Variants in ATRX observed in about 807,000 individuals in gnomAD.
The protein encoded by ATRX is chromatin remodeler ATRX.
ATRX carries 12 observed loss-of-function variants against 172.6 expected under a neutral mutation model. The observed-to-expected ratio is 0.07, with a 90% CI of 0.04 to 0.11. The LOEUF is 0.11. ATRX is among the 10% of genes least tolerant of loss of function. ATRX has a pLI of 1.00. For synonymous variants in ATRX, 674 were observed against 594.7 expected, an observed-to-expected ratio of 1.13 and a Z score of -1.94; for missense variants, 1,368 against 1,767.4, an observed-to-expected ratio of 0.77 and a Z score of 4.05.
rs2148594824 is a variant in ATRX at position 77,682,709 on chromosome X, A to G, written c.2547T>C (p.Ser849=). The G allele has an allele frequency of 8.3e-7, 1 of 1,209,475 alleles. No homozygotes were observed. The highest frequency in any genetic ancestry group is 1.1e-6 in the Non-Finnish European group (1 of 895,093). The change falls in exon 9 of 35, where the codon TCT becomes TCC. Residue 849 remains serine (S), a synonymous_variant. Transcript: ENST00000373344. ...KRIPNTKDFD[S]SEDEKHSKKG... The stretch of plus-strand genomic sequence containing the variant: ...TTTTGCTGTGTTTCTCATCTTCAGA[A>G]GAGTCAAAATCTTTTGTATTTGGAA...
chrX:77,720,980 G>A (rs782442212), intron 1 of ATRX, among the ~76,000 whole-genome samples: 54 of 111,654 alleles, frequency 4.8e-4, no homozygotes, highest in African/African-American at 1.8e-3. Context: ...TATCCACCAC[G>A]ATCAAGTCGG....
chrX:77,639,526 T>C (rs2068552340), intron 15 of ATRX, among the ~76,000 whole-genome samples: 2 of 111,900 alleles, frequency 1.8e-5, no homozygotes, highest in African/African-American at 6.5e-5. Context: ...TATTCCCAAC[T>C]TCCTGACCCG....
At position 77,683,026 on chromosome X, in the gene ATRX, T is replaced by C. The variant is rs782277065; in HGVS notation, c.2230A>G (p.Met744Val). 8.3e-7 allele frequency: 1 copy of C among 1,208,873 alleles called. No individual in the cohort carries two copies. The highest frequency in any genetic ancestry group is 1.8e-5 in the African/African-American group (1 of 57,075). ...MLAILKEVSRMSHSSSSDTDI... is the reference protein window; with the variant it reads ...MLAILKEVSRVSHSSSSDTDI... ...GTATCTGAAGAAGAACTGTGACTCA[T>C]CCTGCTCACCTCTTTGAGGATTGCT... is the stretch of plus-strand genomic sequence containing the variant. The change falls in exon 9 of 35, where the codon ATG becomes GTG. Residue 744 changes from methionine (M) to valine (V), a missense_variant. Around this residue, in one of 17 missense-constraint regions of ATRX, gnomAD observed 843 missense variants for 643.1 expected, o/e 1.31. Transcript: ENST00000373344.
intron 12 of ATRX, among the ~76,000 whole-genome samples, chrX:77,662,582 C>T (rs185980262): frequency 2.0e-4 from 22 of 111,705 alleles, no homozygotes; most frequent in Non-Finnish European, 4.1e-4. Context: ...GGTTATCTTC[C>T]CACTCTAAAT....
intron 30 of ATRX, among the ~76,000 whole-genome samples, chrX:77,550,856 C>G (rs1278730132): frequency 9.0e-6 from 1 of 111,341 alleles, no homozygotes; most frequent in African/African-American, 3.3e-5. Flanking sequence ...GAGTGAACTC[C>G]CATTCTCAGT....
chrX:77,656,679 T>G (rs1569536011), intron 12 of ATRX, 26 bp from the exon 13 acceptor site: 1 of 1,092,889 alleles, frequency 9.2e-7, no homozygotes, highest in East Asian at 3.2e-5. Context: ...ATACATAAAA[T>G]TATTAATTAT....
intron 1 of ATRX, among the ~76,000 whole-genome samples, chrX:77,737,591 A>T (rs1241340598): frequency 1.8e-5 from 2 of 110,669 alleles, no homozygotes; most frequent in Non-Finnish European, 3.8e-5. Context: ...ATTTTTTAAT[A>T]CCTGAAAGAA....
chrX:77,628,781 TA>T (rs1424219244), intron 19 of ATRX, among the ~76,000 whole-genome samples: 1 of 111,351 alleles, frequency 9.0e-6, no homozygotes, highest in African/African-American at 3.3e-5. Context: ...TTAATTCTTT[TA>T]TTTTTTTGTA....
intron 12 of ATRX, among the ~76,000 whole-genome samples, chrX:77,660,900 T>C (rs1263946663): frequency 8.9e-6 from 1 of 111,839 alleles, no homozygotes; most frequent in Non-Finnish European, 1.9e-5. Flanking sequence ...CATTGTAGAC[T>C]TTTCCCTTTC....
chrX:77,758,017 G>T (rs1557191063), intron 1 of ATRX, among the ~76,000 whole-genome samples: 1 of 111,172 alleles, frequency 9.0e-6, no homozygotes, highest in African/African-American at 3.3e-5. Context: ...AAAATTTTAG[G>T]TTAAGAACTC....
In ATRX at chrX:77,507,733, C is replaced by T; in HGVS notation, c.*618G>A. ...TGCTAAGATAACTGCAAGACTTCTC[C>T]AACTTTTAGAGCAGTAGTATTTAAG... On this transcript the variant is annotated 3_prime_UTR_variant, in exon 35 of 35. Coordinates refer to ENST00000373344, the MANE Select transcript of ATRX (RefSeq NM_000489.6). The T allele has an allele frequency of 5.7e-6, 1 of 175,582 alleles. No homozygotes were observed. Among genetic ancestry groups the T allele is most frequent in the Non-Finnish European group, 1.1e-5 (1 of 91,463 alleles). 14.5% of individuals were successfully genotyped at this position (175,582 alleles called of 1,213,427 possible).
chrX:77,782,861 G>A (rs782201208), intron 1 of ATRX, among the ~76,000 whole-genome samples: 1 of 111,963 alleles, frequency 8.9e-6, no homozygotes, highest in South Asian at 3.8e-4. Context: ...GGCCAGAAGG[G>A]AATCTGCTGC....
chrX:77,656,680 T>C (rs2069571209), intron 12 of ATRX, 27 bp from the exon 13 acceptor site: 1 of 1,092,646 alleles, frequency 9.2e-7, no homozygotes, highest in Non-Finnish European at 1.2e-6. Context: ...TACATAAAAT[T>C]ATTAATTATT....
chrX:77,561,248 C>T (rs1218207041), intron 28 of ATRX, among the ~76,000 whole-genome samples: 1 of 109,199 alleles, frequency 9.2e-6, no homozygotes, highest in Admixed American at 9.8e-5. Flanking sequence ...CAAAAGATGG[C>T]ATAGAGCTAT....
intron 1 of ATRX, among the ~76,000 whole-genome samples, chrX:77,738,362 A>G (rs918883545): frequency 1.6e-4 from 17 of 106,800 alleles, no homozygotes; most frequent in Non-Finnish European, 2.5e-4. Context: ...ATAAATAATA[A>G]TAATAATAAT....
chrX:77,532,955 C>G (rs2063628583), intron 30 of ATRX, among the ~76,000 whole-genome samples: 2 of 111,854 alleles, frequency 1.8e-5, no homozygotes, highest in Admixed American at 1.9e-4. Context: ...GAGAAAGAAA[C>G]AACCCCATTA....
chrX:77,639,997 C>T lies in ATRX; in HGVS notation c.4558-3941G>A, dbSNP rs782186476. On this transcript the variant is annotated intron_variant, in intron 15 of 34. Coordinates refer to ENST00000373344, the MANE Select transcript of ATRX (RefSeq NM_000489.6). ...TACATATACACCACGGAATACTATG[C>T]AGCCATAAAGAAGAAAATCATGTCC... Among the ~76,000 whole-genome samples, 16 of 112,204 alleles carry T rather than the reference C, an allele frequency of 1.4e-4. No homozygotes were observed. The South Asian group carries it at 5.9e-3, about 41-fold the overall frequency.
intron 15 of ATRX, among the ~76,000 whole-genome samples, chrX:77,651,217 C>CAA (rs1170232589): frequency 0.39 from 6,412 of 16,441 alleles, 2,389 homozygotes; most frequent in Admixed American, 0.54. Context: ...AACTCCATCT[C>CAA]AAAAAAAAAA....
chrX:77,741,441 G>C (rs1407251710), intron 1 of ATRX, among the ~76,000 whole-genome samples: 1 of 102,168 alleles, frequency 9.8e-6, no homozygotes, highest in African/African-American at 4.0e-5. Context: ...CCTTTTTTTT[G>C]GGGGGGGGAT....
Sources: gnomAD v4.1 joint callset for allele counts (sites outside exome capture counted in the v4.1 genomes callset) on GRCh38, gnomAD v4.1.1 for gene constraint, gnomAD v4.1.1 regional missense constraint, MANE v1.5 for transcripts, NCBI Gene and HGNC (gene_info 2026-07-23, HGNC 2026-07-21) for gene names.